Variants in KCNH5 observed in about 807,000 individuals in gnomAD.
The protein encoded by KCNH5 is potassium voltage-gated channel subfamily H member 5.
A neutral mutation model predicts 96.1 loss-of-function variants in KCNH5; 46 were observed. That is an observed-to-expected ratio of 0.48 (90% CI 0.38 to 0.61). The LOEUF (loss-of-function observed/expected upper bound fraction) is 0.61, where lower values mean the gene tolerates loss of function less well. KCNH5 is among the 20% of genes least tolerant of loss of function. The pLI, the probability that KCNH5 is intolerant of heterozygous loss-of-function variation, is 0.00. For missense variants in KCNH5, 907 were observed against 1,225.8 expected (o/e 0.74, Z 3.88); for synonymous variants, 439 against 449.8 (o/e 0.98, Z 0.30).
chr14:62,908,780 G>GTTTTTTT (rs1451340124), intron 7 of KCNH5, among the ~76,000 whole-genome samples: 4 of 19,796 alleles, frequency 2.0e-4, no homozygotes, highest in African/African-American at 6.6e-4. Context: ...ATTTTGCTTT[G>GTTTTTTT]TATTTTTTTT....
At chr14:62,853,494 A>ATATGATATATATATATATATATATATATG (rs375695583) in intron 7 of KCNH5, among the ~76,000 whole-genome samples, 1 of 102,072 alleles carries the variant, frequency 9.8e-6, no homozygotes, top group African/African-American at 3.5e-5. Context: ...ATATATATAT[A>ATATGATATATATATATATATATATATATG]ATCTTGGCCA....
chr14:62,719,179 C>T (rs1204295545), intron 10 of KCNH5, among the ~76,000 whole-genome samples: 2 of 152,166 alleles, frequency 1.3e-5, no homozygotes, highest in Admixed American at 6.5e-5. Flanking sequence ...AAATTGTATA[C>T]TTAAAATATT....
chr14:62,939,374 A>G (rs1338911671), intron 7 of KCNH5, among the ~76,000 whole-genome samples: 2 of 152,134 alleles, frequency 1.3e-5, no homozygotes, highest in Admixed American at 1.3e-4. Flanking sequence ...TACTTTCTAT[A>G]CATTGTTATT....
intron 7 of KCNH5, among the ~76,000 whole-genome samples, chr14:62,935,598 A>G (rs17823873): frequency 0.027 from 4,123 of 152,224 alleles, 148 homozygotes; most frequent in East Asian, 0.092. Context: ...TCCTCTTGGC[A>G]TCATTACCTT....
intron 1 of KCNH5, among the ~76,000 whole-genome samples, chr14:63,021,571 C>T (rs562427381): frequency 1.1e-4 from 16 of 152,182 alleles, no homozygotes; most frequent in Middle Eastern, 3.4e-3. Flanking sequence ...TGGCTGCCAC[C>T]GTATCTGTCT....
At chr14:62,945,550 G>A (rs1355191609) in intron 7 of KCNH5, among the ~76,000 whole-genome samples, 1 of 152,106 alleles carries the variant, frequency 6.6e-6, no homozygotes, top group African/African-American at 2.4e-5. Flanking sequence ...AACGGACAGA[G>A]GCCTACCTCT....
intron 3 of KCNH5, among the ~76,000 whole-genome samples, chr14:63,002,313 T>C (rs918467903): frequency 4.6e-5 from 7 of 152,072 alleles, no homozygotes; most frequent in African/African-American, 1.2e-4. Context: ...ATATAACAAA[T>C]AGAAATATGT....
intron 8 of KCNH5, among the ~76,000 whole-genome samples, chr14:62,835,549 A>G (rs557838624): frequency 6.6e-6 from 1 of 152,172 alleles, no homozygotes; most frequent in Admixed American, 6.5e-5. Context: ...AAAATATGTA[A>G]TATCATAGCC....
intron 7 of KCNH5, among the ~76,000 whole-genome samples, chr14:62,850,370 G>A (rs1157023741): frequency 2.0e-5 from 3 of 152,108 alleles, no homozygotes; most frequent in Non-Finnish European, 4.4e-5. Flanking sequence ...TTTAGGGAGT[G>A]GAGACAAATT....
At chr14:63,004,053 G>C (rs1484263586) in intron 3 of KCNH5, among the ~76,000 whole-genome samples, 1 of 152,140 alleles carries the variant, frequency 6.6e-6, no homozygotes, top group Non-Finnish European at 1.5e-5. Flanking sequence ...TATTCAATCA[G>C]ATGCCGCAAT....
rs758647678 is a variant in KCNH5 at position 62,707,889 on chromosome 14, A to G, written c.2586T>C (p.Asp862=). The change falls in exon 11 of 11, where the codon GAT becomes GAC. Residue 862 remains aspartate (D), a synonymous_variant. Transcript: ENST00000322893. Reference sequence around the variant, plus strand: ...TTTTTGTAATTCCACTGTCACAAGAATCTGTTTTTCTTAGTGGGTTTTTGG... The same window carrying G: ...TTTTTGTAATTCCACTGTCACAAGAGTCTGTTTTTCTTAGTGGGTTTTTGG... ...SVTKNPLRKT[D]SCDSGITKSD... The G allele has an allele frequency of 6.2e-7, 1 of 1,614,088 alleles. No individual in the cohort carries two copies. The highest frequency in any genetic ancestry group is 8.5e-7 in the Non-Finnish European group (1 of 1,180,020).
intron 10 of KCNH5, among the ~76,000 whole-genome samples, chr14:62,740,184 T>C (rs1302030000): frequency 6.6e-6 from 1 of 152,212 alleles, no homozygotes; most frequent in Non-Finnish European, 1.5e-5. Context: ...TCAATGAATG[T>C]TTGTTAAACA....
intron 9 of KCNH5, among the ~76,000 whole-genome samples, chr14:62,782,704 G>C (rs568686712): frequency 6.6e-6 from 1 of 152,036 alleles, no homozygotes; most frequent in Admixed American, 6.6e-5. Context: ...CTAGCTACTC[G>C]GGAGGCTGAG....
intron 5 of KCNH5, 40 bp downstream of exon 5, chr14:62,987,032 A>C (rs767552564): frequency 7.4e-7 from 1 of 1,345,514 alleles, no homozygotes; most frequent in Non-Finnish European, 1.1e-6. Flanking sequence ...AAATGTACCA[A>C]CACCACCATC....
At chr14:62,791,346 G>C (rs1886430117) in intron 9 of KCNH5, among the ~76,000 whole-genome samples, 1 of 151,428 alleles carries the variant, frequency 6.6e-6, no homozygotes, top group Non-Finnish European at 1.5e-5. Context: ...CTTACAGTAA[G>C]TAAGTCACAA....
At chr14:62,926,608 C>T (rs999383900) in intron 7 of KCNH5, among the ~76,000 whole-genome samples, 3 of 152,052 alleles carry the variant, frequency 2.0e-5, no homozygotes, top group Non-Finnish European at 4.4e-5. Flanking sequence ...CATGGTCAGG[C>T]TCTGGTGAGG....
chr14:62,708,108 A>G lies in KCNH5; in HGVS notation c.2367T>C (p.Gly789=). The G allele has an allele frequency of 6.2e-7, 1 of 1,614,186 alleles. No individual in the cohort carries two copies. The highest frequency in any genetic ancestry group is 8.5e-7 in the Non-Finnish European group (1 of 1,180,036). The change falls in exon 11 of 11, where the codon GGT becomes GGC. Residue 789 remains glycine (G), a synonymous_variant. Transcript: ENST00000322893. ...TGACTTTGAGACATTTTTGGTCAGCACCGCCGTTGGGCTTGAGTTCCATGG... is the reference window on the plus strand; with the variant it reads ...TGACTTTGAGACATTTTTGGTCAGCGCCGCCGTTGGGCTTGAGTTCCATGG... The part of the protein sequence containing the change: ...RDAMELKPNG[G]ADQKCLKVNS...
At chr14:62,785,934 TG>T (rs560421546) in intron 9 of KCNH5, among the ~76,000 whole-genome samples, 67 of 152,332 alleles carry the variant, frequency 4.4e-4, no homozygotes, top group Admixed American at 1.0e-3. Flanking sequence ...GGCTCATGCC[TG>T]TAATCCCAGC....
intron 7 of KCNH5, among the ~76,000 whole-genome samples, chr14:62,902,524 T>A: frequency 6.6e-6 from 1 of 152,178 alleles, no homozygotes; most frequent in East Asian, 1.9e-4. Flanking sequence ...ACTTAATTCA[T>A]CTCTCTAACA....
Sources: allele counts gnomAD v4.1 joint callset (sites outside exome capture counted in the v4.1 genomes callset), GRCh38; gene constraint gnomAD v4.1.1; transcripts MANE v1.5; gene names NCBI Gene and HGNC (gene_info 2026-07-23, HGNC 2026-07-21).